The following CFAP20DC variants were observed in gnomAD, a reference collection of about 807,000 sequenced individuals.
CFAP20DC encodes the protein protein CFAP20DC.
Under a neutral mutation model 101.7 loss-of-function variants are expected in CFAP20DC, and 84 were observed. The ratio of observed to expected loss-of-function variants is 0.83; its 90% CI spans 0.69 to 0.99. The LOEUF (loss-of-function observed/expected upper bound fraction) is 0.99, where lower values mean the gene tolerates loss of function less well. Among genes scored for constraint, CFAP20DC ranks in the 50% least tolerant of loss-of-function variants. CFAP20DC has a pLI of 0.00. For missense variants in CFAP20DC, 1,007 were observed against 970.3 expected (o/e 1.04, Z -0.50); for synonymous variants, 359 against 351.2 (o/e 1.02, Z -0.25).
At chr3:58,895,943 A>G (rs1364495150) in intron 6 of CFAP20DC, among the ~76,000 whole-genome samples, 1 of 152,202 alleles carries the variant, frequency 6.6e-6, no homozygotes, top group Non-Finnish European at 1.5e-5. Flanking sequence ...TATTACAAGA[A>G]CAGCACAAGA....
intron 4 of CFAP20DC, among the ~76,000 whole-genome samples, chr3:58,956,031 C>A (rs1361429124): frequency 6.6e-6 from 1 of 151,296 alleles, no homozygotes; most frequent in African/African-American, 2.4e-5. Context: ...ACTGAATAAC[C>A]AGCAGTGATA....
At chr3:58,765,490 C>CAAAAAAA (rs1337049385) in intron 15 of CFAP20DC, among the ~76,000 whole-genome samples, 7 of 81,804 alleles carry the variant, frequency 8.6e-5, no homozygotes, top group Admixed American at 1.4e-4. Context: ...AAAAAAAAAC[C>CAAAAAAA]AAAAAAAAAA....
At chr3:58,821,316 C>T (rs1040023639) in intron 14 of CFAP20DC, among the ~76,000 whole-genome samples, 1 of 152,084 alleles carries the variant, frequency 6.6e-6, no homozygotes, top group African/African-American at 2.4e-5. Flanking sequence ...AACTAAAGAG[C>T]TTCTGCACAG....
intron 4 of CFAP20DC, among the ~76,000 whole-genome samples, chr3:58,939,694 G>A (rs138621168): frequency 2.0e-5 from 3 of 150,804 alleles, no homozygotes; most frequent in East Asian, 2.0e-4. Context: ...TCCTGACCTC[G>A]TGATCCGCCT....
intron 5 of CFAP20DC, among the ~76,000 whole-genome samples, chr3:58,930,833 C>T (rs901248750): frequency 5.9e-5 from 9 of 152,280 alleles, no homozygotes; most frequent in East Asian, 1.9e-4. Flanking sequence ...CAGCTCCCAG[C>T]GTGAGCGACG....
intron 13 of CFAP20DC, among the ~76,000 whole-genome samples, chr3:58,845,133 G>A (rs2077505510): frequency 1.3e-5 from 2 of 150,610 alleles, no homozygotes; most frequent in Admixed American, 6.6e-5. Flanking sequence ...ACATTCAAAA[G>A]CTAGCAGAAG....
chr3:58,945,562 C>T (rs72881698), intron 4 of CFAP20DC, among the ~76,000 whole-genome samples: 5,656 of 152,220 alleles, frequency 0.037, 354 homozygotes, highest in African/African-American at 0.13. Flanking sequence ...TCATACCTCA[C>T]AATAGGCCTC....
intron 4 of CFAP20DC, among the ~76,000 whole-genome samples, chr3:58,940,259 A>T (rs1039109101): frequency 2.6e-5 from 4 of 152,252 alleles, no homozygotes; most frequent in Non-Finnish European, 5.9e-5. Flanking sequence ...TTCCTATCCT[A>T]CTGGAGCCTC....
intron 6 of CFAP20DC, among the ~76,000 whole-genome samples, chr3:58,890,424 C>T (rs1249184938): frequency 7.3e-6 from 1 of 137,574 alleles, no homozygotes; most frequent in African/African-American, 2.8e-5. Context: ...GGGTGGCTGG[C>T]CGGGCGGGGG....
intron 4 of CFAP20DC, among the ~76,000 whole-genome samples, chr3:58,994,202 CT>C (rs2093036087): frequency 6.6e-6 from 1 of 152,168 alleles, no homozygotes; most frequent in African/African-American, 2.4e-5. Flanking sequence ...ACATGTATAC[CT>C]TGCAAGCTCA....
rs2079889826 is a variant in CFAP20DC, at chr3:58,868,645, A to G, written c.1015+683T>C. Among the ~76,000 whole-genome samples, 2 of 152,188 alleles carry G rather than the reference A, an allele frequency of 1.3e-5. No individual in the cohort carries two copies. Among genetic ancestry groups the G allele is most frequent in the African/African-American group, 4.8e-5 (2 of 41,462 alleles). On this transcript the variant is annotated intron_variant, in intron 9 of 16. Transcript: ENST00000482387. The surrounding 1 kb of genome is among the most constrained non-coding windows in gnomAD (Gnocchi z 4.6). ...GGCAGCTAGGGCTGGATTTCTATCT[A>G]TCCATTTCCTTATTTCAGTTTCATA...
At chr3:59,037,643 G>A (rs1459307218) in intron 4 of CFAP20DC, among the ~76,000 whole-genome samples, 4 of 152,156 alleles carry the variant, frequency 2.6e-5, no homozygotes, top group African/African-American at 9.7e-5. Context: ...AGATGCTGGA[G>A]AGGATGTGGA....
chr3:58,891,566 T>G lies in CFAP20DC; in HGVS notation c.551-6857A>C, dbSNP rs552742735. On this transcript the variant is annotated intron_variant, in intron 6 of 16. Coordinates refer to ENST00000482387, the MANE Select transcript of CFAP20DC (RefSeq NM_001394063.1). ...GCATTTCTCTAATGATCAGTGATAC[T>G]GAGCTTTTTTTCATGTTCGTTGGCT... Among the ~76,000 whole-genome samples, 7 of 152,360 alleles carry G rather than the reference T, an allele frequency of 4.6e-5. No individual in the cohort carries two copies. In the South Asian group the frequency reaches 1.0e-3, roughly 23 times the overall value.
At chr3:59,028,558 G>A (rs190582837) in intron 4 of CFAP20DC, among the ~76,000 whole-genome samples, 41 of 152,232 alleles carry the variant, frequency 2.7e-4, no homozygotes, top group Admixed American at 2.2e-3. Context: ...TATATGTATA[G>A]TCAAATAGAA....
At chr3:58,763,116 A>G (rs889525677) in intron 15 of CFAP20DC, among the ~76,000 whole-genome samples, 1 of 152,160 alleles carries the variant, frequency 6.6e-6, no homozygotes, top group African/African-American at 2.4e-5. Flanking sequence ...TCTCCTGGAT[A>G]ATATCCTGCA....
At chr3:58,826,706 T>C (rs2076063792) in intron 14 of CFAP20DC, among the ~76,000 whole-genome samples, 1 of 152,222 alleles carries the variant, frequency 6.6e-6, no homozygotes, top group Non-Finnish European at 1.5e-5. Context: ...CAACTAGCTG[T>C]GATGCCTTGT....
intron 3 of CFAP20DC, chr3:58,726,779 C>T (rs1226912039): frequency 4.2e-6 from 1 of 236,694 alleles, no homozygotes; most frequent in Admixed American, 6.1e-5. Context: ...TCCACTGACA[C>T]CATCAGAAGA....
At chr3:58,841,331 A>AAG (rs971436777) in intron 13 of CFAP20DC, among the ~76,000 whole-genome samples, 2 of 152,226 alleles carry the variant, frequency 1.3e-5, no homozygotes. Context: ...GGCAAATGGA[A>AAG]AGAGAGAGAG....
In CFAP20DC at chr3:58,849,063, C is replaced by A. The variant is rs1012573852; in HGVS notation, c.1940G>T (p.Gly647Val). Residue 647 changes from glycine (G) to valine (V), a missense_variant, in exon 13 of 17, where the codon GGG (glycine) becomes GTG (valine). Physicochemically the swap from Gly to Val is moderately radical, Grantham distance 109 (BLOSUM62 -3). Transcript: ENST00000482387. ...LNKTSLKEIS[G>V]ERLSSIPEAS... Reference sequence around the variant, plus strand: ...TTCGGGGATCGAGCTCAGCCTTTCCCCTGAGATTTCTTTCAGGGAGGTTTT... The same window carrying A: ...TTCGGGGATCGAGCTCAGCCTTTCCACTGAGATTTCTTTCAGGGAGGTTTT... 6.3e-5 allele frequency: 97 copies of A among 1,535,788 alleles called. No individual in the cohort carries two copies. The highest frequency in any genetic ancestry group is 8.3e-5 in the Non-Finnish European group (95 of 1,146,834).
Sources: gnomAD v4.1 joint callset for allele counts (sites outside exome capture counted in the v4.1 genomes callset) on GRCh38, gnomAD v4.1.1 for gene constraint, Gnocchi (gnomAD v3.1) non-coding constraint, MANE v1.5 for transcripts, NCBI Gene and HGNC (gene_info 2026-07-23, HGNC 2026-07-21) for gene names.